The following PCDHA11 variants were observed in gnomAD, a reference collection of about 807,000 sequenced individuals.
The protein encoded by PCDHA11 is protocadherin alpha-11.
In PCDHA11, 61 loss-of-function variants were observed where a neutral mutation model predicts 70.3. That is an observed-to-expected ratio of 0.87 (90% CI 0.71 to 1.07). The LOEUF (loss-of-function observed/expected upper bound fraction) is 1.07, where lower values mean the gene tolerates loss of function less well. Ranked by LOEUF, PCDHA11 falls within the 50% of genes least tolerant of loss-of-function variation. PCDHA11 has a pLI of 0.00. For synonymous variants in PCDHA11, 633 were observed against 555.1 expected, an observed-to-expected ratio of 1.14 and a Z score of -1.97; for missense variants, 1,324 against 1,237.5, an observed-to-expected ratio of 1.07 and a Z score of -1.05.
intron 1 of PCDHA11, chr5:140,884,140 G>C: frequency 6.2e-7 from 1 of 1,613,412 alleles, no homozygotes; most frequent in Non-Finnish European, 8.5e-7. Context: ...CGTTCCGCGT[G>C]GGGCTGTACA....
At chr5:140,917,397 C>T (rs1606123) in intron 1 of PCDHA11, among the ~76,000 whole-genome samples, 6,084 of 150,666 alleles carry the variant, frequency 0.04, 137 homozygotes, top group Non-Finnish European at 0.052. Context: ...TGTGCAGAAG[C>T]TCTTTAGTTT....
intron 1 of PCDHA11, among the ~76,000 whole-genome samples, chr5:140,962,347 C>A (rs191780691): frequency 1.7e-4 from 26 of 152,244 alleles, no homozygotes; most frequent in African/African-American, 5.3e-4. Flanking sequence ...AAGTAAAACT[C>A]CCCCCAATAC....
chr5:140,941,169 C>T (rs1283079666), intron 1 of PCDHA11, among the ~76,000 whole-genome samples: 1 of 145,950 alleles, frequency 6.9e-6, no homozygotes, highest in Admixed American at 6.9e-5. Flanking sequence ...GACTCCCCAT[C>T]TTGAACATCC....
chr5:140,872,581 C>T (rs1037284236), intron 1 of PCDHA11, among the ~76,000 whole-genome samples: 14 of 152,104 alleles, frequency 9.2e-5, no homozygotes, highest in African/African-American at 3.1e-4. Flanking sequence ...GACCTATCAT[C>T]GTGAGACCCC....
chr5:140,890,439 A>G (rs114755692), intron 1 of PCDHA11, among the ~76,000 whole-genome samples: 1 of 152,210 alleles, frequency 6.6e-6, no homozygotes, highest in Non-Finnish European at 1.5e-5. Context: ...TACAATACCT[A>G]GTGATATCTT....
chr5:140,891,748 C>G (rs575198849), intron 1 of PCDHA11, among the ~76,000 whole-genome samples: 2 of 152,242 alleles, frequency 1.3e-5, no homozygotes, highest in African/African-American at 4.8e-5. Flanking sequence ...CCTTATACAA[C>G]AGTGTTGGGA....
In PCDHA11 at chr5:140,959,152, A is replaced by C. The variant is rs182353196; in HGVS notation, c.2392-19797A>C. 1.3e-4 allele frequency among the ~76,000 whole-genome samples: 20 copies of C among 152,108 alleles called. No individual in the cohort carries two copies. The East Asian group carries it at 3.9e-3, about 30-fold the overall frequency. ...CCCACTTTGGGAGGCCAAAGTGGGC[A>C]GATTGCTTGACCCCAGGAGTTCAGG... On this transcript the variant is annotated intron_variant, in intron 1 of 3. Coordinates refer to ENST00000398640, the MANE Select transcript of PCDHA11 (RefSeq NM_018902.5).
chr5:140,921,486 G>A (rs782660925), intron 1 of PCDHA11, among the ~76,000 whole-genome samples: 1 of 152,128 alleles, frequency 6.6e-6, no homozygotes, highest in African/African-American at 2.4e-5. Flanking sequence ...CTCTACCTGA[G>A]ATTAGTTTAT....
At chr5:140,880,297 AG>A (rs1554171244) in intron 1 of PCDHA11, among the ~76,000 whole-genome samples, 1 of 152,250 alleles carries the variant, frequency 6.6e-6, no homozygotes, top group Admixed American at 6.5e-5. Context: ...TCATAGTGTG[AG>A]TGAAAGAAAC....
chr5:140,972,322 T>C (rs2096531924), intron 1 of PCDHA11, among the ~76,000 whole-genome samples: 1 of 151,968 alleles, frequency 6.6e-6, no homozygotes, highest in African/African-American at 2.4e-5. Context: ...AGGTGTTTTT[T>C]TTTTTTGGAA....
intron 1 of PCDHA11, chr5:140,968,375 T>G: frequency 6.2e-7 from 1 of 1,614,098 alleles, no homozygotes; most frequent in Non-Finnish European, 8.5e-7. Context: ...TGTCAACTCC[T>G]TTGACTATGA....
chr5:141,004,486 C>CT (rs2098167953), intron 3 of PCDHA11, among the ~76,000 whole-genome samples: 2 of 152,200 alleles, frequency 1.3e-5, no homozygotes, highest in South Asian at 4.1e-4. Flanking sequence ...TGGATTAACT[C>CT]TTGGCAGTCC....
At chr5:140,944,629 A>G (rs1371756120) in intron 1 of PCDHA11, among the ~76,000 whole-genome samples, 3 of 152,172 alleles carry the variant, frequency 2.0e-5, no homozygotes, top group African/African-American at 7.2e-5. Context: ...ATAGTGTTGT[A>G]AGCCAGTGTG....
intron 1 of PCDHA11, among the ~76,000 whole-genome samples, chr5:140,914,272 A>G (rs1356508399): frequency 2.0e-5 from 3 of 152,212 alleles, no homozygotes; most frequent in Non-Finnish European, 4.4e-5. Context: ...GGGTGCATAT[A>G]TATTTATAAT....
chr5:140,882,149 G>A (rs2058970957), intron 1 of PCDHA11: 2 of 1,501,900 alleles, frequency 1.3e-6, no homozygotes, highest in Middle Eastern at 4.3e-4. Flanking sequence ...ATAGCAGAAA[G>A]CGGAATACCT....
At chr5:140,893,818 G>A (rs184696543) in intron 1 of PCDHA11, among the ~76,000 whole-genome samples, 14 of 152,114 alleles carry the variant, frequency 9.2e-5, no homozygotes, top group Admixed American at 3.3e-4. Context: ...GTCTGGTACC[G>A]TAGACTACTC....
intron 1 of PCDHA11, among the ~76,000 whole-genome samples, chr5:140,904,620 A>T (rs1419190047): frequency 6.6e-6 from 1 of 151,986 alleles, no homozygotes; most frequent in Non-Finnish European, 1.5e-5. Flanking sequence ...TTTTACTTTT[A>T]GTTCTTTAAG....
intron 3 of PCDHA11, among the ~76,000 whole-genome samples, chr5:140,990,782 C>T (rs1460964532): frequency 2.0e-5 from 3 of 152,120 alleles, no homozygotes; most frequent in Non-Finnish European, 1.5e-5. Context: ...CTGTGTTGGA[C>T]GATGAACCAT....
intron 1 of PCDHA11, chr5:140,929,216 A>G: frequency 6.2e-7 from 1 of 1,614,100 alleles, no homozygotes; most frequent in Non-Finnish European, 8.5e-7. Flanking sequence ...CGTGGGGAGT[A>G]CAATGCTGCC....
Sources: gnomAD v4.1 joint callset for allele counts (sites outside exome capture counted in the v4.1 genomes callset) on GRCh38, gnomAD v4.1.1 for gene constraint, MANE v1.5 for transcripts, NCBI Gene and HGNC (gene_info 2026-07-23, HGNC 2026-07-21) for gene names.